SEC14L1: variants seen among roughly 807,000 people sequenced by gnomAD.
The protein encoded by SEC14L1 is SEC14-like protein 1.
Under a neutral mutation model 85.3 loss-of-function variants are expected in SEC14L1, and 48 were observed. That is an observed-to-expected ratio of 0.56 (90% CI 0.45 to 0.72). The LOEUF (loss-of-function observed/expected upper bound fraction) is 0.72. Ranked by LOEUF, SEC14L1 falls within the 30% of genes least tolerant of loss-of-function variation. SEC14L1 has a pLI of 0.00. For synonymous variants in SEC14L1, 391 were observed against 355.5 expected, an observed-to-expected ratio of 1.10 and a Z score of -1.12; for missense variants, 682 against 921.4, an observed-to-expected ratio of 0.74 and a Z score of 3.36.
intron 3 of SEC14L1, among the ~76,000 whole-genome samples, chr17:77,177,873 C>A (rs1462063640): frequency 2.0e-5 from 3 of 152,104 alleles, no homozygotes; most frequent in Non-Finnish European, 2.9e-5. Context: ...GGACCAGGAA[C>A]AATTTTGACA....
chr17:77,190,772 A>G (rs1478033291), intron 3 of SEC14L1, 31 bp from the exon 4 acceptor site: 3 of 1,612,410 alleles, frequency 1.9e-6, no homozygotes, highest in Non-Finnish European at 2.5e-6. Flanking sequence ...GTCTTTGCTC[A>G]CTTCTGCTTT....
chr17:77,144,309 A>G (rs1354309865), intron 3 of SEC14L1, among the ~76,000 whole-genome samples: 1 of 152,200 alleles, frequency 6.6e-6, no homozygotes, highest in Non-Finnish European at 1.5e-5. Flanking sequence ...TTTCATGAGC[A>G]CACACCTGAT....
At position 77,206,216 on chromosome 17, in the gene SEC14L1, G is replaced by C; in HGVS notation, c.1170-13G>C. On this transcript the variant is annotated splice_polypyrimidine_tract_variant and intron_variant, in intron 11 of 16. Coordinates refer to ENST00000436233, the MANE Select transcript of SEC14L1 (RefSeq NM_001143998.2). The surrounding 1 kb of genome is among the most constrained non-coding windows in gnomAD (Gnocchi z 4.3). ...TGTCTGTTGAATGAAACACATCTCT[G>C]CACAACCTGCAGCTCATGGACCTGC... is the stretch of plus-strand genomic sequence containing the variant. 1 of 1,612,506 alleles carries C rather than the reference G, an allele frequency of 6.2e-7. No individual in the cohort carries two copies. Among genetic ancestry groups the C allele is most frequent in the Non-Finnish European group, 8.5e-7 (1 of 1,178,726 alleles).
rs865808498 is a variant in SEC14L1, at chr17:77,215,932, G to A, written c.*1909G>A. Reference sequence around the variant, plus strand: ...TAGGTAGGGTTAGTAGGTAGGGTTCGTAGGTAGGGTTCGTAGGTAGGGTTA... The same window carrying A: ...TAGGTAGGGTTAGTAGGTAGGGTTCATAGGTAGGGTTCGTAGGTAGGGTTA... On this transcript the variant is annotated 3_prime_UTR_variant, in exon 17 of 17. Coordinates refer to ENST00000436233, the MANE Select transcript of SEC14L1 (RefSeq NM_001143998.2). 1.0e-5 allele frequency: 10 copies of A among 973,026 alleles called. 2 individuals carry two copies. Among genetic ancestry groups the A allele is most frequent in the Non-Finnish European group, 9.7e-6 (8 of 824,374 alleles). 60.3% of individuals were successfully genotyped at this position (973,026 alleles called of 1,614,324 possible).
At chr17:77,146,216 G>A (rs1054716261) in intron 3 of SEC14L1, among the ~76,000 whole-genome samples, 2 of 152,148 alleles carry the variant, frequency 1.3e-5, no homozygotes, top group Admixed American at 6.5e-5. Context: ...AGTGGGCATC[G>A]CCAGGTAAAG....
intron 3 of SEC14L1, among the ~76,000 whole-genome samples, chr17:77,106,653 A>C (rs2143341114): frequency 6.6e-6 from 1 of 151,694 alleles, no homozygotes; most frequent in South Asian, 2.1e-4. Context: ...CAACACAGCG[A>C]GACTCCATCT....
At chr17:77,125,228 C>T (rs1972413217) in intron 3 of SEC14L1, among the ~76,000 whole-genome samples, 1 of 151,988 alleles carries the variant, frequency 6.6e-6, no homozygotes, top group African/African-American at 2.4e-5. Flanking sequence ...AACTCCTGAC[C>T]TCAAATGATC....
At chr17:77,130,621 C>G (rs1972584987) in intron 3 of SEC14L1, among the ~76,000 whole-genome samples, 1 of 149,004 alleles carries the variant, frequency 6.7e-6, no homozygotes, top group Non-Finnish European at 1.5e-5. Flanking sequence ...CTGAGCCCAG[C>G]CTATTTATTT....
chr17:77,105,889 C>T lies in SEC14L1; in HGVS notation c.-136+12542C>T, dbSNP rs532917167. Among the ~76,000 whole-genome samples, 10 of 152,002 alleles carry T rather than the reference C, an allele frequency of 6.6e-5. No individual in the cohort carries two copies. The South Asian group carries it at 1.7e-3, about 25-fold the overall frequency. The stretch of plus-strand genomic sequence containing the variant: ...GACTGGTGAGAGGAGACAATCTTCC[C>T]TAGTGCAAAACTCCCTAAAAAGCCC... On this transcript the variant is annotated intron_variant, in intron 3 of 19. Coordinates refer to the SEC14L1 transcript ENST00000392476.
chr17:77,138,450 T>C (rs1327146531), upstream of SEC14L1, among the ~76,000 whole-genome samples: 7 of 151,622 alleles, frequency 4.6e-5, no homozygotes, highest in East Asian at 1.4e-3. Context: ...TGAAAGCCCG[T>C]CTCTACTAAA....
At chr17:77,146,543 A>G (rs1162572298) in intron 3 of SEC14L1, among the ~76,000 whole-genome samples, 1 of 152,148 alleles carries the variant, frequency 6.6e-6, no homozygotes, top group Non-Finnish European at 1.5e-5. Flanking sequence ...CAATTAAACC[A>G]TTTTAAAACT....
chr17:77,160,343 G>C (rs1343078160), intron 3 of SEC14L1, among the ~76,000 whole-genome samples: 1 of 152,234 alleles, frequency 6.6e-6, no homozygotes, highest in African/African-American at 2.4e-5. Flanking sequence ...CGGATCTGAA[G>C]GGGAATATGC....
At chr17:77,179,389 C>T (rs1974907678) in intron 3 of SEC14L1, among the ~76,000 whole-genome samples, 1 of 152,178 alleles carries the variant, frequency 6.6e-6, no homozygotes, top group Admixed American at 6.5e-5. Flanking sequence ...GTTCTTTCAG[C>T]TATAATTAAT....
At chr17:77,184,006 G>A (rs796937691) in intron 3 of SEC14L1, among the ~76,000 whole-genome samples, 1 of 152,114 alleles carries the variant, frequency 6.6e-6, no homozygotes, top group African/African-American at 2.4e-5. Flanking sequence ...GGCGGGTCTC[G>A]AACTCCTGAC....
chr17:77,154,040 C>T (rs191042459), intron 3 of SEC14L1, among the ~76,000 whole-genome samples: 5 of 152,122 alleles, frequency 3.3e-5, no homozygotes, highest in African/African-American at 1.2e-4. Context: ...TACAACCAAC[C>T]GTGGATCAGA....
exon 1 of SEC14L1, chr17:77,088,885 G>C (rs1971436558): frequency 6.4e-6 from 1 of 156,724 alleles, no homozygotes. Flanking sequence ...CGGGTGACCA[G>C]AGACCCAGAG....
chr17:77,154,807 A>ACAT (rs1437936133), intron 3 of SEC14L1, among the ~76,000 whole-genome samples: 1 of 152,158 alleles, frequency 6.6e-6, no homozygotes, highest in Non-Finnish European at 1.5e-5. Flanking sequence ...TATCCGAGGT[A>ACAT]CTGATAAGCG....
Position 77,205,311 on chromosome 17 carries a change from C to G in SEC14L1, c.1134C>G (p.Cys378Trp). Reference protein sequence around the residue: ...LSINEEGLRRCEENTKVFGRP... With the variant: ...LSINEEGLRRWEENTKVFGRP... ...TAAATGAAGAAGGGCTAAGGCGATG[C>G]GAAGAGAATACAAAAGTCTTTGGTC... is the stretch of plus-strand genomic sequence containing the variant. The change falls in exon 11 of 17, where the codon TGC (cysteine) becomes TGG (tryptophan). Residue 378 changes from cysteine to tryptophan, a missense_variant. Physicochemically the swap from Cys to Trp is radical, Grantham distance 215. This residue lies in a region of SEC14L1 where 420 missense variants were observed against 619.5 expected (regional missense o/e 0.68). Coordinates refer to ENST00000436233, the MANE Select transcript of SEC14L1 (RefSeq NM_001143998.2). The G allele has an allele frequency of 6.2e-7, 1 of 1,614,060 alleles. No individual in the cohort carries two copies. Among genetic ancestry groups the G allele is most frequent in the Non-Finnish European group, 8.5e-7 (1 of 1,179,994 alleles).
chr17:77,159,652 T>G (rs974667344), intron 3 of SEC14L1, among the ~76,000 whole-genome samples: 16 of 152,214 alleles, frequency 1.1e-4, no homozygotes, highest in African/African-American at 3.9e-4. Flanking sequence ...GTGCTGGGAT[T>G]ACAGGTGTGA....
Sources: allele counts gnomAD v4.1 joint callset (sites outside exome capture counted in the v4.1 genomes callset), GRCh38; gene constraint gnomAD v4.1.1; regional missense constraint gnomAD v4.1.1; non-coding constraint Gnocchi (gnomAD v3.1); transcripts MANE v1.5; gene names NCBI Gene and HGNC (gene_info 2026-07-23, HGNC 2026-07-21).